Variants in GMDS observed in about 807,000 individuals in gnomAD.
GMDS encodes the protein GDP-mannose 4,6 dehydratase.
Under a neutral mutation model 49.9 loss-of-function variants are expected in GMDS, and 20 were observed. That is an observed-to-expected ratio of 0.40 (90% CI 0.28 to 0.58). The LOEUF is 0.58. GMDS is among the 20% of genes least tolerant of loss of function. GMDS has a pLI of 0.42. For missense variants in GMDS, 362 were observed against 481.4 expected, an observed-to-expected ratio of 0.75 and a Z score of 2.32; for synonymous variants, 177 against 178.6, an observed-to-expected ratio of 0.99 and a Z score of 0.07.
intron 1 of GMDS, among the ~76,000 whole-genome samples, chr6:2,183,692 T>A (rs771346215): frequency 6.6e-6 from 1 of 152,190 alleles, no homozygotes; most frequent in East Asian, 1.9e-4. Context: ...CAGAGAAATC[T>A]TTTGTGAAAG....
At chr6:1,707,431 G>A (rs1313426022) in intron 9 of GMDS, among the ~76,000 whole-genome samples, 2 of 152,174 alleles carry the variant, frequency 1.3e-5, no homozygotes, top group Non-Finnish European at 2.9e-5. Context: ...CCACACAGTT[G>A]AGAGAAGTAA....
intron 6 of GMDS, among the ~76,000 whole-genome samples, chr6:1,950,127 G>T (rs1323606592): frequency 1.3e-5 from 2 of 152,110 alleles, no homozygotes; most frequent in South Asian, 4.1e-4. Flanking sequence ...TCTGCCTATT[G>T]TGATTAACTG....
intron 4 of GMDS, among the ~76,000 whole-genome samples, chr6:2,013,663 G>C (rs892471239): frequency 6.6e-6 from 1 of 151,802 alleles, no homozygotes; most frequent in Non-Finnish European, 1.5e-5. Flanking sequence ...GAGTTCCCCT[G>C]GCATGACCAC....
chr6:2,139,632 G>A (rs1408217548), intron 1 of GMDS, among the ~76,000 whole-genome samples: 2 of 151,972 alleles, frequency 1.3e-5, no homozygotes, highest in African/African-American at 2.4e-5. Context: ...ACAGACAATG[G>A]AATTTAGGCA....
At chr6:1,971,310 C>G (rs758915536) in intron 4 of GMDS, among the ~76,000 whole-genome samples, 1 of 152,120 alleles carries the variant, frequency 6.6e-6, no homozygotes, top group Non-Finnish European at 1.5e-5. Context: ...CAAGGCCCAG[C>G]TCTATAGTTC....
intron 9 of GMDS, among the ~76,000 whole-genome samples, chr6:1,684,493 C>A (rs779631236): frequency 7.2e-5 from 11 of 152,126 alleles, no homozygotes; most frequent in African/African-American, 2.2e-4. Flanking sequence ...TCCACACGAA[C>A]GAAGACTATG....
chr6:1,760,397 G>A (rs1427036781), intron 7 of GMDS, among the ~76,000 whole-genome samples: 3 of 152,204 alleles, frequency 2.0e-5, no homozygotes, highest in Non-Finnish European at 4.4e-5. Context: ...TCAGTATCCA[G>A]TGGGGAAGAT....
At chr6:1,665,004 A>G (rs909807474) in intron 9 of GMDS, among the ~76,000 whole-genome samples, 3 of 152,250 alleles carry the variant, frequency 2.0e-5, no homozygotes, top group African/African-American at 7.2e-5. Context: ...TCTACCACAG[A>G]GTACGTGTAT....
intron 6 of GMDS, among the ~76,000 whole-genome samples, chr6:1,956,170 C>T (rs954977476): frequency 8.5e-5 from 13 of 152,146 alleles, no homozygotes; most frequent in Non-Finnish European, 1.5e-4. Context: ...AAAGTTTTCT[C>T]GAATGTTGAG....
intron 9 of GMDS, among the ~76,000 whole-genome samples, chr6:1,692,420 G>A (rs1561732963): frequency 6.6e-6 from 1 of 152,120 alleles, no homozygotes; most frequent in Non-Finnish European, 1.5e-5. Context: ...GGTTTGTTGA[G>A]CTTCTTGGAT....
At chr6:1,734,917 A>G (rs1466920000) in intron 8 of GMDS, among the ~76,000 whole-genome samples, 1 of 152,238 alleles carries the variant, frequency 6.6e-6, no homozygotes, top group African/African-American at 2.4e-5. Context: ...GGCTGTGAAA[A>G]TGACAGTGAA....
At chr6:1,892,504 G>A (rs372632424) in intron 7 of GMDS, among the ~76,000 whole-genome samples, 11 of 152,186 alleles carry the variant, frequency 7.2e-5, no homozygotes, top group East Asian at 3.9e-4. Flanking sequence ...GATTACAGGT[G>A]CACACCACCA....
intron 4 of GMDS, among the ~76,000 whole-genome samples, chr6:2,050,161 CG>C (rs1240643154): frequency 6.6e-6 from 1 of 151,950 alleles, no homozygotes; most frequent in Non-Finnish European, 1.5e-5. Flanking sequence ...AGAGAAGAAT[CG>C]AATAGACGCA....
At chr6:2,043,312 T>G (rs188037039) in intron 4 of GMDS, 1 of 152,374 alleles carries the variant, frequency 6.6e-6, no homozygotes, top group Non-Finnish European at 1.5e-5. Flanking sequence ...CAAGCAATCT[T>G]GTAGGAAAAG....
chr6:2,137,602 G>A (rs564863583), intron 1 of GMDS, among the ~76,000 whole-genome samples: 3 of 152,270 alleles, frequency 2.0e-5, no homozygotes, highest in African/African-American at 7.2e-5. Context: ...CCAAAGTGCT[G>A]GGATTGCAGG....
At chr6:2,218,583 A>G (rs770900497) in intron 1 of GMDS, among the ~76,000 whole-genome samples, 13 of 152,366 alleles carry the variant, frequency 8.5e-5, no homozygotes, top group Non-Finnish European at 1.8e-4. Flanking sequence ...CTTGCAATGG[A>G]AAATAAGCAA....
chr6:1,914,391 C>T lies in GMDS; in HGVS notation c.771+15712G>A, dbSNP rs1372721237. On this transcript the variant is annotated intron_variant, in intron 7 of 10. Transcript: ENST00000380815. Reference sequence around the variant, plus strand: ...CCAGTTGAGGAGAATGGCGTGAACCCAGGAGGTGGAGCTTAAAGTGAGCCG... The same window carrying T: ...CCAGTTGAGGAGAATGGCGTGAACCTAGGAGGTGGAGCTTAAAGTGAGCCG... Among the ~76,000 whole-genome samples, 16 of 149,216 alleles carry T rather than the reference C, an allele frequency of 1.1e-4. No individual in the cohort carries two copies. In the Middle Eastern group the frequency reaches 0.01, roughly 96 times the overall value.
chr6:1,975,469 G>A (rs529491437), intron 4 of GMDS, among the ~76,000 whole-genome samples: 17 of 152,114 alleles, frequency 1.1e-4, no homozygotes, highest in Admixed American at 8.5e-4. Flanking sequence ...AGGAAACTTC[G>A]GACAGAAAAC....
At chr6:1,680,520 C>T (rs887197240) in intron 9 of GMDS, among the ~76,000 whole-genome samples, 2 of 132,944 alleles carry the variant, frequency 1.5e-5, no homozygotes, top group South Asian at 2.5e-4. Flanking sequence ...AGTTCTGATC[C>T]GGCACCGTGA....
Sources: allele counts gnomAD v4.1 joint callset (sites outside exome capture counted in the v4.1 genomes callset), GRCh38; gene constraint gnomAD v4.1.1; transcripts MANE v1.5; gene names NCBI Gene and HGNC (gene_info 2026-07-23, HGNC 2026-07-21).